Variants in CERT1 observed in about 807,000 individuals in gnomAD.
CERT1 encodes the protein ceramide transporter 1.
CERT1 carries 31 observed loss-of-function variants against 87.9 expected under a neutral mutation model. The ratio of observed to expected loss-of-function variants is 0.35; its 90% CI spans 0.27 to 0.48. The LOEUF is 0.48. CERT1 is among the 20% of genes least tolerant of loss of function. CERT1 has a pLI of 0.99. For synonymous variants in CERT1, 289 were observed against 250.9 expected, an observed-to-expected ratio of 1.15 and a Z score of -1.44; for missense variants, 487 against 758.0, an observed-to-expected ratio of 0.64 and a Z score of 4.20.
chr5:75,385,972 T>C lies in CERT1; in HGVS notation c.1347A>G (p.Ala449=). The C allele has an allele frequency of 1.9e-6, 3 of 1,598,366 alleles. No individual in the cohort carries two copies. Among genetic ancestry groups the C allele is most frequent in the Non-Finnish European group, 2.6e-6 (3 of 1,171,942 alleles). The change falls in exon 13 of 17, where the codon GCA becomes GCG. Residue 449 remains alanine (A), a synonymous_variant. Transcript: ENST00000643780. The part of the protein sequence containing the change: ...IVLDPLKATH[A]VKGVTGHEVC... ...CTTCATGTCCTGTGACGCCTTTAAC[T>C]GCATGGGTAGCTTTTAAAGGATCCA...
chr5:75,483,328 T>C (rs1766343606), intron 2 of CERT1, among the ~76,000 whole-genome samples: 1 of 151,886 alleles, frequency 6.6e-6, no homozygotes, highest in Non-Finnish European at 1.5e-5. Context: ...TATTTGAAAA[T>C]ATAGTCAGAG....
At chr5:75,508,711 C>T (rs1351750681) in intron 1 of CERT1, among the ~76,000 whole-genome samples, 1 of 152,076 alleles carries the variant, frequency 6.6e-6, no homozygotes, top group African/African-American at 2.4e-5. Flanking sequence ...GAGTCAGAAG[C>T]AAGCTACAAA....
chr5:75,459,977 A>AC (rs1273405417), intron 2 of CERT1, among the ~76,000 whole-genome samples: 1 of 150,406 alleles, frequency 6.6e-6, no homozygotes, highest in Non-Finnish European at 1.5e-5. Flanking sequence ...AAAAAAAAAA[A>AC]AAAAAAAAAA....
At chr5:75,458,959 G>A (rs1238838552) in intron 3 of CERT1, 106 bp downstream of exon 3, 2 of 667,634 alleles carry the variant, frequency 3.0e-6, no homozygotes, top group African/African-American at 1.8e-5. Flanking sequence ...TCCAAATAAT[G>A]TTCAATGTTT....
At chr5:75,370,974 A>T (rs1761062929) in intron 17 of CERT1, 2 of 146,748 alleles carry the variant, frequency 1.4e-5, no homozygotes, top group Non-Finnish European at 3.0e-5. Context: ...AAAAAAAAAA[A>T]ATTTAGGCTG....
downstream of CERT1, chr5:75,377,331 T>C (rs1343155037): frequency 6.6e-6 from 1 of 152,200 alleles, no homozygotes; most frequent in African/African-American, 2.4e-5. Flanking sequence ...CTATGAAAAG[T>C]AGTATCTAAA....
At chr5:75,481,892 C>T (rs1329465182) in intron 2 of CERT1, among the ~76,000 whole-genome samples, 4 of 152,040 alleles carry the variant, frequency 2.6e-5, no homozygotes, top group Non-Finnish European at 5.9e-5. Context: ...TATATATGAT[C>T]TCTCCTCTCA....
intron 11 of CERT1, among the ~76,000 whole-genome samples, chr5:75,398,916 C>T (rs900216565): frequency 6.6e-6 from 1 of 152,154 alleles, no homozygotes; most frequent in African/African-American, 2.4e-5. Context: ...TTTGGAGATA[C>T]TTTAGCTTAA....
chr5:75,434,326 A>C (rs186746842), intron 3 of CERT1, among the ~76,000 whole-genome samples: 30 of 152,218 alleles, frequency 2.0e-4, no homozygotes, highest in Admixed American at 1.5e-3. Context: ...ATGGTGAAAC[A>C]ACCTTACATT....
At position 75,384,681 on chromosome 5, in the gene CERT1, T is replaced by C. The variant is rs1761715700; in HGVS notation, c.1449A>G (p.Thr483=). 6.2e-7 allele frequency: 1 copy of C among 1,605,884 alleles called. No individual in the cohort carries two copies. The highest frequency in any genetic ancestry group is 8.5e-7 in the Non-Finnish European group (1 of 1,172,884). Reference sequence around the variant, plus strand: ...AAATGATGATTGCATTATCAGCTAATGTTTCCACCACATGAAAGTTTTCTA... The same window carrying C: ...AAATGATGATTGCATTATCAGCTAACGTTTCCACCACATGAAAGTTTTCTA... The part of the protein sequence containing the change: ...TTIENFHVVE[T]LADNAIIIYQ... The change falls in exon 14 of 17, where the codon ACA becomes ACG. Residue 483 remains threonine (T), a synonymous_variant. Coordinates refer to ENST00000643780, the MANE Select transcript of CERT1 (RefSeq NM_001379029.1).
At chr5:75,396,538 C>T (rs1762261078) in intron 11 of CERT1, among the ~76,000 whole-genome samples, 1 of 151,680 alleles carries the variant, frequency 6.6e-6, no homozygotes, top group South Asian at 2.1e-4. Flanking sequence ...ACCAGCCTGG[C>T]CAACATGGTG....
chr5:75,400,241 G>C lies in CERT1; in HGVS notation c.1074C>G (p.Ala358=), dbSNP rs374870769. 15 of 1,613,496 alleles carry C rather than the reference G, an allele frequency of 9.3e-6. No individual in the cohort carries two copies. Among genetic ancestry groups the C allele is most frequent in the African/African-American group, 5.3e-5 (4 of 74,920 alleles). The change falls in exon 10 of 17, where the codon GCC becomes GCG. Residue 358 remains alanine, a synonymous_variant. Transcript: ENST00000643780. The part of the protein sequence containing the change: ...HWPTSLPSGD[A]FSSVGTHRFV... ...ATCTATGTGTCCCCACAGAAGAAAA[G>C]GCATCTCCAGAGGGCAAGGATGTAG...
intron 2 of CERT1, among the ~76,000 whole-genome samples, chr5:75,478,863 G>A (rs1766090737): frequency 8.0e-6 from 1 of 124,516 alleles, no homozygotes. Context: ...CAAGGGAGGT[G>A]TAAGATAAGA....
At chr5:75,508,697 A>G (rs1767773268) in intron 1 of CERT1, among the ~76,000 whole-genome samples, 2 of 152,212 alleles carry the variant, frequency 1.3e-5, no homozygotes, top group Non-Finnish European at 2.9e-5. Context: ...TATATTTAGA[A>G]TAAGAGTCAG....
chr5:75,439,699 A>C (rs560544671), intron 3 of CERT1, among the ~76,000 whole-genome samples: 2 of 152,252 alleles, frequency 1.3e-5, no homozygotes, highest in African/African-American at 4.8e-5. Flanking sequence ...CCATACATTT[A>C]ACTTCAATAT....
At chr5:75,454,719 C>T (rs1248239170) in intron 3 of CERT1, among the ~76,000 whole-genome samples, 2 of 152,074 alleles carry the variant, frequency 1.3e-5, no homozygotes, top group Non-Finnish European at 2.9e-5. Context: ...AAGAAGTTGC[C>T]GAAGAACTCA....
intron 2 of CERT1, among the ~76,000 whole-genome samples, chr5:75,461,475 A>G (rs1005001764): frequency 2.6e-5 from 4 of 152,216 alleles, no homozygotes; most frequent in Admixed American, 6.5e-5. Context: ...ATGCTAATCT[A>G]AAGAACCAAA....
rs1767993653 is a variant in CERT1, at chr5:75,511,436, G to T, written c.-229C>A. 4 of 1,536,674 alleles carry T rather than the reference G, an allele frequency of 2.6e-6. No homozygotes were observed. Among genetic ancestry groups the T allele is most frequent in the Non-Finnish European group, 3.5e-6 (4 of 1,140,976 alleles). ...GCGGTGAAGGAAGCCTACCCTTCCA[G>T]CCGTCAGCCGCCGCCGCCGTCGCCG... On this transcript the variant is annotated 5_prime_UTR_variant, in exon 1 of 17. In the 5' UTR this introduces an upstream ATG that the reference lacks. Transcript: ENST00000643780.
At chr5:75,376,920 T>C (rs1761339419), downstream of CERT1, 1 of 152,184 alleles carries the variant, frequency 6.6e-6, no homozygotes, top group African/African-American at 2.4e-5. Context: ...TAAAATTATT[T>C]CATTATATAA....
Sources: allele counts gnomAD v4.1 joint callset (sites outside exome capture counted in the v4.1 genomes callset), GRCh38; gene constraint gnomAD v4.1.1; transcripts MANE v1.5; gene names NCBI Gene and HGNC (gene_info 2026-07-23, HGNC 2026-07-21).